KLHL20: variants seen among roughly 807,000 people sequenced by gnomAD.
KLHL20 encodes the protein kelch-like protein 20.
KLHL20 carries 29 observed loss-of-function variants against 69.5 expected under a neutral mutation model. That is an observed-to-expected ratio of 0.42 (90% CI 0.31 to 0.57). The LOEUF is 0.57. Among genes scored for constraint, KLHL20 ranks in the 20% least tolerant of loss-of-function variants. The pLI is 0.18. For synonymous variants in KLHL20, 253 were observed against 265.2 expected, an observed-to-expected ratio of 0.95 and a Z score of 0.45; for missense variants, 419 against 776.0, an observed-to-expected ratio of 0.54 and a Z score of 5.47.
intron 2 of KLHL20, among the ~76,000 whole-genome samples, chr1:173,720,428 G>T (rs1386327903): frequency 6.6e-6 from 1 of 152,056 alleles, no homozygotes; most frequent in African/African-American, 2.4e-5. Flanking sequence ...TGAGGAAGAA[G>T]GGGAAGTAGA....
intron 2 of KLHL20, among the ~76,000 whole-genome samples, chr1:173,729,475 T>C (rs1467000204): frequency 6.6e-6 from 1 of 152,194 alleles, no homozygotes; most frequent in Non-Finnish European, 1.5e-5. Flanking sequence ...AACTTCTCAA[T>C]AAAATACTGG....
At chr1:173,777,541 G>A (rs2102535988) in intron 10 of KLHL20, among the ~76,000 whole-genome samples, 1 of 152,286 alleles carries the variant, frequency 6.6e-6, no homozygotes, top group East Asian at 1.9e-4. Flanking sequence ...GATGCTATCT[G>A]TGGGTCTGTC....
At chr1:173,744,939 CTATT>C (rs938998085) in intron 3 of KLHL20, among the ~76,000 whole-genome samples, 1 of 151,992 alleles carries the variant, frequency 6.6e-6, no homozygotes, top group Admixed American at 6.6e-5. Flanking sequence ...AGCTTTCTTG[CTATT>C]TATTTTTCCA....
intron 3 of KLHL20, among the ~76,000 whole-genome samples, chr1:173,749,195 C>T (rs896746425): frequency 3.3e-5 from 5 of 152,164 alleles, no homozygotes; most frequent in African/African-American, 1.2e-4. Context: ...TTAGACCTAG[C>T]TTAATTCATA....
intron 5 of KLHL20, among the ~76,000 whole-genome samples, chr1:173,754,602 A>G (rs956962251): frequency 6.6e-6 from 1 of 150,928 alleles, no homozygotes; most frequent in African/African-American, 2.5e-5. Flanking sequence ...AAAAAAAAAA[A>G]CACACAGACA....
intron 7 of KLHL20, among the ~76,000 whole-genome samples, chr1:173,759,661 A>G (rs1305510570): frequency 6.6e-6 from 1 of 152,228 alleles, no homozygotes; most frequent in Non-Finnish European, 1.5e-5. Flanking sequence ...AGCCACATCC[A>G]TAGGAAAAGA....
intron 2 of KLHL20, among the ~76,000 whole-genome samples, chr1:173,724,304 C>T (rs1214705555): frequency 6.6e-6 from 1 of 151,978 alleles, no homozygotes; most frequent in Non-Finnish European, 1.5e-5. Context: ...TAGGCTCAGC[C>T]TCCTCCGAAA....
chr1:173,750,398 C>T (rs1032523634), intron 3 of KLHL20, among the ~76,000 whole-genome samples: 1 of 152,060 alleles, frequency 6.6e-6, no homozygotes, highest in Non-Finnish European at 1.5e-5. Flanking sequence ...CAGCCTTGAC[C>T]TCCTGGGCTC....
chr1:173,753,671 T>C lies in KLHL20; in HGVS notation c.851+364T>C, dbSNP rs1673407074. On this transcript the variant is annotated intron_variant, in intron 5 of 11. Transcript: ENST00000209884. The stretch of plus-strand genomic sequence containing the variant: ...GTTGACTCTGTCAATGAACATTTTT[T>C]CCTTCCATCACATATGTCTGGTTGG... 3.9e-5 allele frequency among the ~76,000 whole-genome samples: 6 copies of C among 152,212 alleles called. No individual in the cohort carries two copies. In the South Asian group the frequency reaches 1.2e-3, roughly 31 times the overall value.
intron 4 of KLHL20, among the ~76,000 whole-genome samples, chr1:173,752,623 C>T (rs1673364781): frequency 6.6e-6 from 1 of 152,184 alleles, no homozygotes; most frequent in Non-Finnish European, 1.5e-5. Flanking sequence ...CAGTAGTTCA[C>T]TTAAGACCCA....
At chr1:173,726,953 C>A (rs1671999574) in intron 2 of KLHL20, among the ~76,000 whole-genome samples, 1 of 152,054 alleles carries the variant, frequency 6.6e-6, no homozygotes. Context: ...CTTCTCTGAG[C>A]TAAAGGAGGA....
intron 3 of KLHL20, among the ~76,000 whole-genome samples, chr1:173,747,195 A>T (rs1673101985): frequency 1.3e-5 from 2 of 152,050 alleles, no homozygotes; most frequent in South Asian, 4.1e-4. Context: ...AGTATTTGAT[A>T]TGTATGCATA....
At chr1:173,752,047 C>A in intron 4 of KLHL20, 125 bp downstream of exon 4, 1 of 807,802 alleles carries the variant, frequency 1.2e-6, no homozygotes, top group Non-Finnish European at 1.9e-6. Context: ...ACCATCCTGG[C>A]CAACATGGTG....
intron 7 of KLHL20, among the ~76,000 whole-genome samples, chr1:173,764,899 T>A (rs575618879): frequency 6.6e-6 from 1 of 151,978 alleles, no homozygotes; most frequent in South Asian, 2.1e-4. Flanking sequence ...CATCCCAGTT[T>A]AAAAAAAATT....
Position 173,775,783 on chromosome 1 carries a change from T to C in KLHL20, c.1579T>C (p.Tyr527His). 5 of 1,614,156 alleles carry C rather than the reference T, an allele frequency of 3.1e-6. No individual in the cohort carries two copies. The highest frequency in any genetic ancestry group is 2.5e-6 in the Non-Finnish European group (3 of 1,180,024). The part of the protein sequence containing the change: ...DTTELSSAER[Y>H]NPRTNQWSPV... ...TACAGAGCTGAGCAGTGCTGAGAGATACAACCCCAGAACCAACCAGTGGTC... is the reference window on the plus strand; with the variant it reads ...TACAGAGCTGAGCAGTGCTGAGAGACACAACCCCAGAACCAACCAGTGGTC... The change falls in exon 10 of 12, where the codon TAC becomes CAC. Residue 527 changes from tyrosine (Y) to histidine (H), a missense_variant. By Grantham distance (83) the Tyr-to-His change is moderately conservative. Around this residue, in one of 6 missense-constraint regions of KLHL20, gnomAD observed 79 missense variants for 154.4 expected, o/e 0.51. Coordinates refer to ENST00000209884, the MANE Select transcript of KLHL20 (RefSeq NM_014458.4).
chr1:173,730,454 A>T (rs28866006), intron 2 of KLHL20, among the ~76,000 whole-genome samples: 13,279 of 151,634 alleles, frequency 0.088, 1,798 homozygotes, highest in African/African-American at 0.3. Flanking sequence ...GCATCATGCT[A>T]CCTGACTTCA....
At chr1:173,742,420 A>G (rs996415933) in intron 3 of KLHL20, among the ~76,000 whole-genome samples, 1 of 152,142 alleles carries the variant, frequency 6.6e-6, no homozygotes, top group African/African-American at 2.4e-5. Context: ...AACAAGGTCA[A>G]CAAATCAATA....
intron 6 of KLHL20, 77 bp from the exon 7 acceptor site, chr1:173,756,899 A>G: frequency 7.2e-7 from 1 of 1,382,808 alleles, no homozygotes; most frequent in Non-Finnish European, 1.0e-6. Flanking sequence ...GCATTAGGTC[A>G]CAGTGAAGTT....
intron 2 of KLHL20, among the ~76,000 whole-genome samples, chr1:173,729,651 A>T (rs535025350): frequency 6.6e-6 from 1 of 152,338 alleles, no homozygotes; most frequent in Non-Finnish European, 1.5e-5. Context: ...GATGCAGAAA[A>T]GGCCTGTGAC....
Sources: gnomAD v4.1 joint callset for allele counts (sites outside exome capture counted in the v4.1 genomes callset) on GRCh38, gnomAD v4.1.1 for gene constraint, gnomAD v4.1.1 regional missense constraint, MANE v1.5 for transcripts, NCBI Gene and HGNC (gene_info 2026-07-23, HGNC 2026-07-21) for gene names.